Variants in DDHD1 observed in about 807,000 individuals in gnomAD.
DDHD1 encodes phospholipase DDHD1.
DDHD1 carries 49 observed loss-of-function variants against 96.4 expected under a neutral mutation model. The observed-to-expected ratio is 0.51, with a 90% confidence interval of 0.40 to 0.64. The LOEUF is 0.64. Among genes scored for constraint, DDHD1 ranks in the 30% least tolerant of loss-of-function variants. The pLI is 0.00. For missense variants in DDHD1, 1,106 were observed against 1,161.2 expected (o/e 0.95, Z 0.69); for synonymous variants, 442 against 446.5 (o/e 0.99, Z 0.13).
intron 1 of DDHD1, among the ~76,000 whole-genome samples, chr14:53,143,964 C>G (rs1185323243): frequency 1.3e-5 from 2 of 152,174 alleles, no homozygotes; most frequent in Non-Finnish European, 2.9e-5. Context: ...GCCTATCATA[C>G]TTCTTGATGG....
In DDHD1 at chr14:53,063,181, G is replaced by A. The variant is rs777454889; in HGVS notation, c.1528C>T (p.Leu510=). Residue 510 remains leucine (L), a synonymous_variant, in exon 7 of 13, where the codon CTG becomes TTG. Coordinates refer to ENST00000673822, the MANE Select transcript of DDHD1 (RefSeq NM_001160148.2). The part of the protein sequence containing the change: ...DELVKGLQQE[L]NRLYSLFCSR... Reference sequence around the variant, plus strand: ...CAGAAAAGGGAATACAATCGATTCAGCTCTTGCTGAAGGCCTTTAACTAGC... The same window carrying A: ...CAGAAAAGGGAATACAATCGATTCAACTCTTGCTGAAGGCCTTTAACTAGC... 4 of 1,613,582 alleles carry A rather than the reference G, an allele frequency of 2.5e-6. No homozygotes were observed. Among genetic ancestry groups the A allele is most frequent in the Non-Finnish European group, 3.4e-6 (4 of 1,179,944 alleles).
At chr14:53,056,060 C>G in intron 9 of DDHD1, 148 bp from the exon 10 acceptor site, 1 of 694,252 alleles carries the variant, frequency 1.4e-6, no homozygotes, top group Non-Finnish European at 2.4e-6. Context: ...ACATGTATTT[C>G]TATTTGTTCA....
intron 2 of DDHD1, chr14:53,103,004 C>A: frequency 6.4e-7 from 1 of 1,550,570 alleles, no homozygotes; most frequent in East Asian, 2.4e-5. Flanking sequence ...TCTACAAATT[C>A]TAATCTACCT....
At chr14:53,130,948 T>A (rs1267237208) in intron 1 of DDHD1, among the ~76,000 whole-genome samples, 2 of 152,118 alleles carry the variant, frequency 1.3e-5, no homozygotes, top group Non-Finnish European at 1.5e-5. Flanking sequence ...GGTAAGTTCA[T>A]CCCCTTCTTA....
intron 8 of DDHD1, among the ~76,000 whole-genome samples, chr14:53,060,601 C>G (rs1250807281): frequency 6.6e-6 from 1 of 152,198 alleles, no homozygotes; most frequent in Non-Finnish European, 1.5e-5. Context: ...TTTCTCACCA[C>G]TGACCAACTA....
At chr14:53,110,384 T>G (rs1030275975) in intron 1 of DDHD1, among the ~76,000 whole-genome samples, 1 of 152,212 alleles carries the variant, frequency 6.6e-6, no homozygotes, top group Non-Finnish European at 1.5e-5. Context: ...TCAGATTCCC[T>G]TCATTTACTC....
chr14:53,100,158 A>C (rs565891830), intron 2 of DDHD1, among the ~76,000 whole-genome samples: 60 of 152,292 alleles, frequency 3.9e-4, no homozygotes, highest in African/African-American at 1.4e-3. Context: ...AGGTATCATA[A>C]ATAATCTAGA....
intron 1 of DDHD1, among the ~76,000 whole-genome samples, chr14:53,113,656 C>T (rs886813139): frequency 6.6e-6 from 1 of 152,140 alleles, no homozygotes; most frequent in East Asian, 1.9e-4. Flanking sequence ...GACCTCCCTC[C>T]GCCAGCCAAG....
intron 1 of DDHD1, among the ~76,000 whole-genome samples, chr14:53,124,548 C>T (rs1889288239): frequency 6.6e-6 from 1 of 152,106 alleles, no homozygotes; most frequent in Non-Finnish European, 1.5e-5. Flanking sequence ...TTGAAAATAA[C>T]AGTCATGCTA....
rs548407416 is a variant in DDHD1, at chr14:53,039,145, T to C, written c.*7623A>G. The C allele has an allele frequency of 2.0e-5, 3 of 152,330 alleles. No individual in the cohort carries two copies. The highest frequency in any genetic ancestry group is 2.1e-4 in the South Asian group (1 of 4,828). The allele number at this position is 152,330 out of a possible 1,614,324, so 9.4% of individuals were successfully genotyped here. On this transcript the variant is annotated 3_prime_UTR_variant, in exon 13 of 13. Coordinates refer to ENST00000673822, the MANE Select transcript of DDHD1 (RefSeq NM_001160148.2). ...AAAAGTACAACTGATCTGGAGGTGA[T>C]ACTTGCTTCAGTTCTCCAGGAACTC... is the stretch of plus-strand genomic sequence containing the variant.
At chr14:53,143,754 G>C (rs1890800418) in intron 1 of DDHD1, among the ~76,000 whole-genome samples, 1 of 152,194 alleles carries the variant, frequency 6.6e-6, no homozygotes, top group African/African-American at 2.4e-5. Flanking sequence ...CAAATATTTA[G>C]GCTAAATTGT....
chr14:53,044,858 A>AAGGAGGAGGTG lies in DDHD1; in HGVS notation c.*1899_*1909dup, dbSNP rs1881902212. ...CACAGATTCTACTATCTTATGAAGA[A>AAGGAGGAGGTG]AGGAGGAGGTGAGAGATACAGCTGA... On this transcript the variant is annotated 3_prime_UTR_variant, in exon 13 of 13. Coordinates refer to ENST00000673822, the MANE Select transcript of DDHD1 (RefSeq NM_001160148.2). The AAGGAGGAGGTG allele has an allele frequency of 2.0e-5, 3 of 152,328 alleles. No homozygotes were observed. The South Asian group carries it at 6.2e-4, about 32-fold the overall frequency. 9.4% of individuals were successfully genotyped at this position (152,328 alleles called of 1,614,324 possible). A position where few individuals can be genotyped will look rare whatever the true frequency, so the allele number is the denominator to read the frequency against.
intron 1 of DDHD1, among the ~76,000 whole-genome samples, chr14:53,126,380 G>C (rs530842232): frequency 1.6e-4 from 25 of 152,104 alleles, no homozygotes. Context: ...TACTCTTTTT[G>C]AGACAGGGTC....
intron 6 of DDHD1, 30 bp from the exon 7 acceptor site, chr14:53,063,235 T>C (rs1883750464): frequency 6.2e-7 from 1 of 1,602,222 alleles, no homozygotes; most frequent in East Asian, 2.2e-5. Context: ...ATTATCATAT[T>C]AGACTTGTCA....
Position 53,041,557 on chromosome 14 carries a change from G to A in DDHD1, c.*5211C>T, listed in dbSNP as rs1881654389. On this transcript the variant is annotated 3_prime_UTR_variant, in exon 13 of 13. Transcript: ENST00000673822. ...GATAAAAGGCCCACATAAACACTAT[G>A]GAAAGGAATGTTAAACATTAGTTAA... is the stretch of plus-strand genomic sequence containing the variant. 1.3e-5 allele frequency: 2 copies of A among 152,180 alleles called. No individual in the cohort carries two copies. Among genetic ancestry groups the A allele is most frequent in the Non-Finnish European group, 2.9e-5 (2 of 68,044 alleles). The allele number at this position is 152,180 out of a possible 1,614,324, so 9.4% of individuals were successfully genotyped here. A position where few individuals can be genotyped will look rare whatever the true frequency, so the allele number is the denominator to read the frequency against.
chr14:53,113,967 C>T (rs1291602260), intron 1 of DDHD1, among the ~76,000 whole-genome samples: 1 of 152,238 alleles, frequency 6.6e-6, no homozygotes, highest in African/African-American at 2.4e-5. Flanking sequence ...CTAAGAACCA[C>T]TGGCTTGAAA....
rs113579957 is a variant in DDHD1 at position 53,091,661 on chromosome 14, G to T, written c.1289+124C>A. The T allele has an allele frequency of 7.0e-6, 7 of 1,000,096 alleles. No homozygotes were observed. In the African/African-American group the frequency reaches 8.0e-5, roughly 11 times the overall value. The allele number at this position is 1,000,096 out of a possible 1,614,324, so 62.0% of individuals were successfully genotyped here. A position where few individuals can be genotyped will look rare whatever the true frequency, so the allele number is the denominator to read the frequency against. On this transcript the variant is annotated intron_variant, in intron 4 of 12. Transcript: ENST00000673822. The stretch of plus-strand genomic sequence containing the variant: ...AGATACTTGATCTATGACTTAAGAG[G>T]TATTAGAATAGTTGGCACTGGAGGA...
chr14:53,092,070 T>TA, intron 3 of DDHD1, 138 bp from the exon 4 acceptor site: 1 of 738,562 alleles, frequency 1.4e-6, no homozygotes, highest in Non-Finnish European at 2.1e-6. Flanking sequence ...ATAAAAACTG[T>TA]AAGAAGGTAT....
chr14:53,143,206 C>A (rs975817889), intron 1 of DDHD1, among the ~76,000 whole-genome samples: 2 of 152,164 alleles, frequency 1.3e-5, no homozygotes, highest in African/African-American at 4.8e-5. Flanking sequence ...ATCCAGTGGT[C>A]CTTAACATTC....
Sources: gnomAD v4.1 joint callset for allele counts (sites outside exome capture counted in the v4.1 genomes callset) on GRCh38, gnomAD v4.1.1 for gene constraint, MANE v1.5 for transcripts, NCBI Gene and HGNC (gene_info 2026-07-23, HGNC 2026-07-21) for gene names.